The following HEATR6 variants were observed in gnomAD, a reference collection of about 807,000 sequenced individuals.
HEATR6 encodes the protein HEAT repeat-containing protein 6.
HEATR6 carries 106 observed loss-of-function variants against 132.8 expected under a neutral mutation model. The ratio of observed to expected loss-of-function variants is 0.80; its 90% CI spans 0.68 to 0.94. The LOEUF (loss-of-function observed/expected upper bound fraction) is 0.94. Among genes scored for constraint, HEATR6 ranks in the 40% least tolerant of loss-of-function variants. HEATR6 has a pLI of 0.00. For synonymous variants in HEATR6, 529 were observed against 537.8 expected (o/e 0.98, Z 0.23); for missense variants, 1,339 against 1,425.1 (o/e 0.94, Z 0.97).
At chr17:60,072,421 T>C in intron 4 of HEATR6, 92 bp from the exon 5 acceptor site, 1 of 622,064 alleles carries the variant, frequency 1.6e-6, no homozygotes, top group Non-Finnish European at 2.8e-6. Context: ...ATATAGACTA[T>C]TAGAGTTGGA....
At chr17:60,066,428 C>A (rs1030238796) in intron 8 of HEATR6, 42 bp from the exon 9 acceptor site, 13 of 1,416,436 alleles carry the variant, frequency 9.2e-6, no homozygotes, top group Non-Finnish European at 1.2e-5. Flanking sequence ...CTTAAAAAAT[C>A]ATTTTTTTAA....
chr17:60,045,538 A>C (rs938167213), intron 19 of HEATR6, among the ~76,000 whole-genome samples: 3 of 152,208 alleles, frequency 2.0e-5, no homozygotes, highest in African/African-American at 7.2e-5. Flanking sequence ...TACACAGCTC[A>C]TAGGGGATTT....
intron 19 of HEATR6, 45 bp from the exon 20 acceptor site, chr17:60,044,179 T>C (rs1422671138): frequency 6.8e-7 from 1 of 1,476,814 alleles, no homozygotes; most frequent in Admixed American, 1.9e-5. Flanking sequence ...GGCTTAGAAC[T>C]AGGTGGGGTG....
chr17:60,045,709 C>CT (rs1410036234), intron 19 of HEATR6, among the ~76,000 whole-genome samples: 1 of 152,184 alleles, frequency 6.6e-6, no homozygotes, highest in Non-Finnish European at 1.5e-5. Context: ...TCCTTTCAGT[C>CT]TTTTTTCTAC....
Position 60,043,902 on chromosome 17 carries a change from C to G in HEATR6, c.3207G>C (p.Arg1069=). 6.2e-7 allele frequency: 1 copy of G among 1,614,114 alleles called. No individual in the cohort carries two copies. Residue 1069 remains arginine, a synonymous_variant, in exon 20 of 20, where the codon CGG becomes CGC. Coordinates refer to ENST00000184956, the MANE Select transcript of HEATR6 (RefSeq NM_022070.5). ...FLEFKYCVSL[R]TQICQALIHL... Reference sequence around the variant, plus strand: ...GAATCAGTGCCTGGCAGATTTGGGTCCGTAGGCTGACACAGTACTTGAATT... The same window carrying G: ...GAATCAGTGCCTGGCAGATTTGGGTGCGTAGGCTGACACAGTACTTGAATT...
At position 60,076,189 on chromosome 17, in the gene HEATR6, G is replaced by A; in HGVS notation, c.268C>T (p.Gln90Ter). Residue 90 changes from glutamine (Q) to a stop codon, truncating the protein, a stop_gained, in exon 2 of 20, where the codon CAG becomes TAG. Transcript: ENST00000184956. LOFTEE classifies it high-confidence loss of function. Reference protein sequence around the residue: ...VQACRLVPLNQNHLVSKVSQL... With the variant: ...VQACRLVPLN ...CTCACTTTGCTGACAAGATGATTCT[G>A]ATTAAGAGGTACCAGTCGGCAAGCC... is the stretch of plus-strand genomic sequence containing the variant. 2 of 1,611,766 alleles carry A rather than the reference G, an allele frequency of 1.2e-6. No individual in the cohort carries two copies. Among genetic ancestry groups the A allele is most frequent in the Non-Finnish European group, 1.7e-6 (2 of 1,179,442 alleles).
chr17:60,049,927 T>C (rs1343782838), intron 15 of HEATR6, among the ~76,000 whole-genome samples: 1 of 152,192 alleles, frequency 6.6e-6, no homozygotes. Context: ...CATTTAACCT[T>C]TATTAAAGTT....
chr17:60,049,444 A>T, intron 16 of HEATR6, 136 bp downstream of exon 16: 2 of 983,200 alleles, frequency 2.0e-6, no homozygotes, highest in Non-Finnish European at 2.9e-6. Flanking sequence ...ACCATATTTT[A>T]GTAGCAATTA....
At chr17:60,062,605 T>G (rs7208618) in intron 9 of HEATR6, among the ~76,000 whole-genome samples, 1 of 152,212 alleles carries the variant, frequency 6.6e-6, no homozygotes, top group African/African-American at 2.4e-5. Context: ...AGTAGGTACA[T>G]TGAAGTTTCC....
At chr17:60,054,552 G>A (rs1906683412) in intron 14 of HEATR6, among the ~76,000 whole-genome samples, 1 of 152,240 alleles carries the variant, frequency 6.6e-6, no homozygotes, top group South Asian at 2.1e-4. Context: ...CACTGGATGC[G>A]GGACATGGAG....
At chr17:60,046,570 C>T (rs995660273) in intron 18 of HEATR6, among the ~76,000 whole-genome samples, 2 of 152,154 alleles carry the variant, frequency 1.3e-5, no homozygotes, top group Admixed American at 6.5e-5. Flanking sequence ...TCCATAATTC[C>T]AGTCCAATAC....
At chr17:60,056,009 G>A (rs972167174) in intron 13 of HEATR6, 106 bp downstream of exon 13, 13 of 1,265,340 alleles carry the variant, frequency 1.0e-5, no homozygotes, top group Non-Finnish European at 1.4e-5. Context: ...TGAAGGACAT[G>A]TGGCAGAAGA....
intron 12 of HEATR6, among the ~76,000 whole-genome samples, chr17:60,056,545 G>A (rs531232381): frequency 7.9e-5 from 12 of 152,286 alleles, no homozygotes; most frequent in Non-Finnish European, 1.3e-4. Context: ...GAAAGGACAT[G>A]CTTCATGCTG....
Position 60,049,561 on chromosome 17 carries a change from T to C in HEATR6, c.2547+19A>G. ...GACTACAAAAGGGGCACAGAAGAGC[T>C]AAATAGGCTCACTCTGACCTGTCTG... is the stretch of plus-strand genomic sequence containing the variant. On this transcript the variant is annotated intron_variant, in intron 16 of 19. Coordinates refer to ENST00000184956, the MANE Select transcript of HEATR6 (RefSeq NM_022070.5). 1 of 1,613,204 alleles carries C rather than the reference T, an allele frequency of 6.2e-7. No homozygotes were observed.
chr17:60,056,780 T>C (rs951807755), intron 12 of HEATR6, among the ~76,000 whole-genome samples: 2 of 152,154 alleles, frequency 1.3e-5, no homozygotes, highest in Non-Finnish European at 2.9e-5. Flanking sequence ...TATTCTACAA[T>C]CTATTACATC....
At chr17:60,051,057 C>T in intron 14 of HEATR6, 80 bp from the exon 15 acceptor site, 2 of 1,474,702 alleles carry the variant, frequency 1.4e-6, no homozygotes, top group Non-Finnish European at 1.9e-6. Context: ...CCAGAAATGG[C>T]CTTAGTGAAA....
intron 1 of HEATR6, 78 bp downstream of exon 1, chr17:60,078,618 G>C (rs2083308091): frequency 2.6e-6 from 3 of 1,137,866 alleles, no homozygotes; most frequent in Non-Finnish European, 3.7e-6. Context: ...GAAGATCAGG[G>C]AAAGGCAGGC....
intron 1 of HEATR6, among the ~76,000 whole-genome samples, chr17:60,077,241 C>T (rs1198558308): frequency 1.3e-5 from 2 of 152,118 alleles, no homozygotes; most frequent in Non-Finnish European, 2.9e-5. Context: ...AAAGCAGAAT[C>T]TGGAATGATT....
At chr17:60,045,180 C>A (rs996669478) in intron 19 of HEATR6, among the ~76,000 whole-genome samples, 11 of 152,160 alleles carry the variant, frequency 7.2e-5, no homozygotes, top group African/African-American at 2.4e-4. Context: ...GGGCTCCAAC[C>A]CAAAAGGTCA....
Sources: gnomAD v4.1 joint callset for allele counts (sites outside exome capture counted in the v4.1 genomes callset) on GRCh38, gnomAD v4.1.1 for gene constraint, MANE v1.5 for transcripts, NCBI Gene and HGNC (gene_info 2026-07-23, HGNC 2026-07-21) for gene names.